The following MAN2A1 variants were observed in gnomAD, a reference collection of about 807,000 sequenced individuals.
MAN2A1 encodes the protein alpha-mannosidase 2.
In MAN2A1, 76 loss-of-function variants were observed where a neutral mutation model predicts 142.6. The ratio of observed to expected loss-of-function variants is 0.53; its 90% CI spans 0.44 to 0.65. The LOEUF is 0.65. Ranked by LOEUF, MAN2A1 falls within the 30% of genes least tolerant of loss-of-function variation. MAN2A1 has a pLI of 0.00. For missense variants in MAN2A1, 1,311 were observed against 1,365.1 expected (o/e 0.96, Z 0.62); for synonymous variants, 559 against 473.2 (o/e 1.18, Z -2.35).
In MAN2A1 at chr5:109,801,825, CAT is replaced by C. The variant is rs1216167229; in HGVS notation, c.1943+12300_1943+12301del. ...TTTTCTACATATTCTAAAACCAAAA[CAT>C]AATTAGATGCTGCAAAATTAAAAAT... On this transcript the variant is annotated intron_variant, in intron 12 of 21. Transcript: ENST00000261483. 3.9e-5 allele frequency among the ~76,000 whole-genome samples: 6 copies of C among 151,992 alleles called. No individual in the cohort carries two copies. The East Asian group carries it at 1.2e-3, about 29-fold the overall frequency.
At chr5:109,834,185 G>A (rs1755002232) in intron 16 of MAN2A1, among the ~76,000 whole-genome samples, 1 of 152,160 alleles carries the variant, frequency 6.6e-6, no homozygotes, top group African/African-American at 2.4e-5. Flanking sequence ...TGCCACAGAT[G>A]TGCAGATCAA....
chr5:109,790,998 A>C (rs1193410944), intron 12 of MAN2A1, among the ~76,000 whole-genome samples: 2 of 152,108 alleles, frequency 1.3e-5, no homozygotes, highest in East Asian at 3.9e-4. Context: ...AAGTTAGGAA[A>C]TGTAGTATAT....
At chr5:109,727,786 G>T (rs1279643489) in intron 3 of MAN2A1, among the ~76,000 whole-genome samples, 1 of 152,156 alleles carries the variant, frequency 6.6e-6, no homozygotes. Context: ...AGGGCATCTG[G>T]GTTGGTTGGA....
chr5:109,828,368 A>G (rs935361492), intron 16 of MAN2A1, among the ~76,000 whole-genome samples: 11 of 152,156 alleles, frequency 7.2e-5, no homozygotes, highest in African/African-American at 2.7e-4. Flanking sequence ...TTAATCTGTA[A>G]TTAGAAGATA....
chr5:109,729,017 C>T (rs1751824909), intron 3 of MAN2A1, among the ~76,000 whole-genome samples: 2 of 139,314 alleles, frequency 1.4e-5, no homozygotes, highest in Admixed American at 1.4e-4. Context: ...AAAAAAATTC[C>T]TTAGAGATAA....
At chr5:109,794,306 G>T (rs1373065992) in intron 12 of MAN2A1, 3 of 152,164 alleles carry the variant, frequency 2.0e-5, no homozygotes, top group Non-Finnish European at 4.4e-5. Flanking sequence ...GGAGGAGATG[G>T]AAGTGTTAGC....
chr5:109,759,735 G>C (rs1752787405), intron 5 of MAN2A1, among the ~76,000 whole-genome samples: 1 of 152,050 alleles, frequency 6.6e-6, no homozygotes, highest in African/African-American at 2.4e-5. Flanking sequence ...TTAGAGTTCT[G>C]ATTGTTCCAC....
At chr5:109,740,182 T>A (rs892175839) in intron 4 of MAN2A1, among the ~76,000 whole-genome samples, 6 of 152,186 alleles carry the variant, frequency 3.9e-5, no homozygotes, top group African/African-American at 1.4e-4. Flanking sequence ...CAACGTCTCC[T>A]TAGTTCCTCT....
chr5:109,752,427 C>T (rs1316110199), intron 4 of MAN2A1, among the ~76,000 whole-genome samples: 1 of 152,224 alleles, frequency 6.6e-6, no homozygotes, highest in Non-Finnish European at 1.5e-5. Context: ...ATCTGCCAAG[C>T]AAGCTTCTGA....
At chr5:109,836,982 G>A (rs1254829565) in intron 16 of MAN2A1, among the ~76,000 whole-genome samples, 2 of 151,604 alleles carry the variant, frequency 1.3e-5, no homozygotes, top group African/African-American at 2.4e-5. Flanking sequence ...TCTGCCAAGA[G>A]AGACAGTTAC....
chr5:109,728,179 G>A (rs1419255475), intron 3 of MAN2A1, among the ~76,000 whole-genome samples: 1 of 152,198 alleles, frequency 6.6e-6, no homozygotes, highest in Non-Finnish European at 1.5e-5. Flanking sequence ...CATAGCTGCA[G>A]TGCTCTTTTC....
At chr5:109,735,001 A>G (rs1242519156) in intron 4 of MAN2A1, among the ~76,000 whole-genome samples, 1 of 152,060 alleles carries the variant, frequency 6.6e-6, no homozygotes, top group African/African-American at 2.4e-5. Context: ...ATTGTGTGGG[A>G]GTCTTAAGTC....
rs1246072934 is a variant in MAN2A1 at position 109,855,251 on chromosome 5, G to C, written c.3088G>C (p.Glu1030Gln). Residue 1030 changes from glutamate (E) to glutamine (Q), a missense_variant, in exon 20 of 22, where the codon GAG (glutamate) becomes CAG (glutamine). Transcript: ENST00000261483. ...AAATAAGTTCTCCTCACCTACCCTT[G>C]AGCTGCAAGGTGAATTCTCTCCATT... ...MANKFSSPTL[E>Q]LQGEFSPLQS... is the part of the protein sequence containing the mutation. The C allele has an allele frequency of 6.8e-6, 11 of 1,607,584 alleles. No homozygotes were observed. In the African/African-American group the frequency reaches 1.1e-4, roughly 16 times the overall value.
intron 4 of MAN2A1, among the ~76,000 whole-genome samples, chr5:109,735,073 A>G (rs1408668334): frequency 6.6e-6 from 1 of 152,166 alleles, no homozygotes; most frequent in African/African-American, 2.4e-5. Flanking sequence ...GGGTGCATGT[A>G]TATTTAGGAT....
At chr5:109,859,768 A>T (rs1451488013) in intron 20 of MAN2A1, among the ~76,000 whole-genome samples, 1 of 152,002 alleles carries the variant, frequency 6.6e-6, no homozygotes, top group Non-Finnish European at 1.5e-5. Flanking sequence ...CTGAAGCTGG[A>T]GCTGCTGGTT....
intron 8 of MAN2A1, among the ~76,000 whole-genome samples, chr5:109,777,124 T>G (rs969412450): frequency 6.6e-6 from 1 of 152,160 alleles, no homozygotes; most frequent in African/African-American, 2.4e-5. Context: ...TGTAATTTTT[T>G]GGCCATTGAG....
At position 109,868,045 on chromosome 5, in the gene MAN2A1, G is replaced by A. The variant is rs1232197478; in HGVS notation, c.*1047G>A. 6.6e-6 allele frequency: 1 copy of A among 152,120 alleles called. No individual in the cohort carries two copies. Among genetic ancestry groups the A allele is most frequent in the African/African-American group, 2.4e-5 (1 of 41,438 alleles). 9.4% of individuals were successfully genotyped at this position (152,120 alleles called of 1,614,324 possible). ...TTTGACTATTTGAATGTACTGAGAT[G>A]TCAGAAAACAAAACAAGGAAGGAAA... On this transcript the variant is annotated 3_prime_UTR_variant, in exon 22 of 22. Transcript: ENST00000261483.
intron 1 of MAN2A1, among the ~76,000 whole-genome samples, chr5:109,694,031 G>T (rs1162713836): frequency 6.6e-6 from 1 of 152,152 alleles, no homozygotes; most frequent in Non-Finnish European, 1.5e-5. Context: ...ATTTCACAAG[G>T]TGCTTACTAT....
chr5:109,807,810 G>A (rs886206185), intron 12 of MAN2A1, among the ~76,000 whole-genome samples: 1 of 152,152 alleles, frequency 6.6e-6, no homozygotes, highest in Non-Finnish European at 1.5e-5. Flanking sequence ...ATCATACCTG[G>A]AAATCTGATT....
Sources: allele counts gnomAD v4.1 joint callset (sites outside exome capture counted in the v4.1 genomes callset), GRCh38; gene constraint gnomAD v4.1.1; transcripts MANE v1.5; gene names NCBI Gene and HGNC (gene_info 2026-07-23, HGNC 2026-07-21).